Variants in EPHA6 observed in about 807,000 individuals in gnomAD.
EPHA6 encodes the protein EPH receptor A6, also known as ephrin type-A receptor 6.
EPHA6 carries 50 observed loss-of-function variants against 112.0 expected under a neutral mutation model. The observed-to-expected ratio is 0.45, with a 90% CI of 0.36 to 0.56. The LOEUF (loss-of-function observed/expected upper bound fraction) is 0.56, where lower values mean the gene tolerates loss of function less well. EPHA6 is among the 20% of genes least tolerant of loss of function. EPHA6 has a pLI of 0.00. For missense variants in EPHA6, 1,280 were observed against 1,417.4 expected (o/e 0.90, Z 1.56); for synonymous variants, 529 against 490.7 (o/e 1.08, Z -1.03).
chr3:97,480,643 C>T (rs1332484814), intron 9 of EPHA6, among the ~76,000 whole-genome samples: 5 of 152,228 alleles, frequency 3.3e-5, no homozygotes, highest in Non-Finnish European at 7.3e-5. Flanking sequence ...TCTACACAGA[C>T]ACAGTAACAA....
At chr3:97,294,963 G>T (rs1298350432) in intron 5 of EPHA6, among the ~76,000 whole-genome samples, 1 of 151,940 alleles carries the variant, frequency 6.6e-6, no homozygotes, top group East Asian at 1.9e-4. Context: ...CTGATGGGGG[G>T]GTTCTTAAAT....
chr3:97,486,558 G>A (rs570888581), intron 10 of EPHA6, among the ~76,000 whole-genome samples: 2 of 152,284 alleles, frequency 1.3e-5, no homozygotes, highest in Admixed American at 1.3e-4. Flanking sequence ...ATAACATGGT[G>A]GAAGGCATCA....
intron 5 of EPHA6, among the ~76,000 whole-genome samples, chr3:97,311,442 T>TCACACACACACACACACACA (rs35415439): frequency 4.9e-5 from 7 of 144,154 alleles, no homozygotes; most frequent in African/African-American, 1.8e-4. Flanking sequence ...GATTACACTT[T>TCACACACACACACACACACA]CACACACACA....
chr3:97,420,934 T>A (rs528143106), intron 6 of EPHA6, among the ~76,000 whole-genome samples: 1 of 152,122 alleles, frequency 6.6e-6, no homozygotes, highest in African/African-American at 2.4e-5. Flanking sequence ...TAACTTAACA[T>A]TCAGCAGATA....
chr3:97,740,805 T>C (rs2035470817), intron 16 of EPHA6, among the ~76,000 whole-genome samples: 1 of 152,180 alleles, frequency 6.6e-6, no homozygotes, highest in African/African-American at 2.4e-5. Flanking sequence ...TTTGAGAAGA[T>C]TTTGTTCAAT....
intron 3 of EPHA6, among the ~76,000 whole-genome samples, chr3:97,132,452 TCA>T (rs1431276634): frequency 1.3e-5 from 2 of 152,108 alleles, no homozygotes; most frequent in Non-Finnish European, 2.9e-5. Context: ...TTTAAATATC[TCA>T]CTCTACTCCT....
chr3:97,277,153 G>A lies in EPHA6; in HGVS notation c.1606+32866G>A, dbSNP rs922493485. On this transcript the variant is annotated intron_variant, in intron 5 of 17. Coordinates refer to ENST00000389672, the MANE Select transcript of EPHA6 (RefSeq NM_001080448.3). ...GACGGAAAGAAGGAGAATTTGGGAC[G>A]ATTCTAACAGGCTTTGTGTGAGCAA... Among the ~76,000 whole-genome samples the A allele has an allele frequency of 5.9e-5, 9 of 152,128 alleles. No homozygotes were observed. In the East Asian group the frequency reaches 1.7e-3, roughly 29 times the overall value.
chr3:97,551,449 A>C (rs2093027611), intron 11 of EPHA6, among the ~76,000 whole-genome samples: 1 of 152,196 alleles, frequency 6.6e-6, no homozygotes, highest in African/African-American at 2.4e-5. Context: ...ATTGTCAAAC[A>C]AAGACATCAG....
intron 5 of EPHA6, among the ~76,000 whole-genome samples, chr3:97,312,654 G>T (rs2081616317): frequency 6.6e-6 from 1 of 151,402 alleles, no homozygotes; most frequent in South Asian, 2.1e-4. Context: ...AAATTGGATT[G>T]AAGAAGTTTC....
At chr3:96,950,810 A>T (rs969897272) in intron 2 of EPHA6, among the ~76,000 whole-genome samples, 1 of 152,070 alleles carries the variant, frequency 6.6e-6, no homozygotes, top group African/African-American at 2.4e-5. Context: ...TTGATATGCC[A>T]GTTTTTTACT....
rs914139886 is a variant in EPHA6, at chr3:97,754,603, C to T, written c.*5902C>T. Reference sequence around the variant, plus strand: ...GCACTAGGAAATGAATAAACTTTACCTTTTAAAAAGGAATCTGTCAACTGC... The same window carrying T: ...GCACTAGGAAATGAATAAACTTTACTTTTTAAAAAGGAATCTGTCAACTGC... On this transcript the variant is annotated 3_prime_UTR_variant, in exon 18 of 18. Coordinates refer to ENST00000389672, the MANE Select transcript of EPHA6 (RefSeq NM_001080448.3). 3.9e-5 allele frequency among the ~76,000 whole-genome samples: 6 copies of T among 152,168 alleles called. No homozygotes were observed. The highest frequency in any genetic ancestry group is 8.8e-5 in the Non-Finnish European group (6 of 68,016).
chr3:97,735,938 T>C lies in EPHA6; in HGVS notation c.2948T>C (p.Ile983Thr). ...EMSNQDVILS[I>T]EEGYRLPAPM... ...GTTTGCATTTAGGTCATTCTGTCCA[T>C]TGAAGAAGGGTACAGACTTCCAGCT... Residue 983 changes from isoleucine to threonine, a missense_variant, in exon 16 of 18, where the codon ATT becomes ACT. By Grantham distance (89) the Ile-to-Thr change is moderately conservative. Around this residue, in one of 4 missense-constraint regions of EPHA6, gnomAD observed 37 missense variants for 92.9 expected, o/e 0.40. Transcript: ENST00000389672. 3.1e-6 allele frequency: 5 copies of C among 1,608,336 alleles called. No homozygotes were observed. Among genetic ancestry groups the C allele is most frequent in the Non-Finnish European group, 4.3e-6 (5 of 1,176,434 alleles).
At chr3:97,618,432 C>G (rs1400949942) in intron 13 of EPHA6, among the ~76,000 whole-genome samples, 1 of 151,804 alleles carries the variant, frequency 6.6e-6, no homozygotes, top group Non-Finnish European at 1.5e-5. Context: ...AAGATCAGAG[C>G]TGGGCTACAG....
intron 11 of EPHA6, among the ~76,000 whole-genome samples, chr3:97,548,523 T>C (rs1414702145): frequency 6.6e-6 from 1 of 152,220 alleles, no homozygotes; most frequent in Non-Finnish European, 1.5e-5. Flanking sequence ...TTTTCTTTTG[T>C]ATTTGAATGT....
At chr3:96,964,153 G>T (rs985040599) in intron 2 of EPHA6, among the ~76,000 whole-genome samples, 4 of 152,084 alleles carry the variant, frequency 2.6e-5, no homozygotes, top group Non-Finnish European at 5.9e-5. Flanking sequence ...TTTGTCTTTT[G>T]TGTTTCAAGC....
At chr3:97,249,066 A>C (rs892156199) in intron 5 of EPHA6, among the ~76,000 whole-genome samples, 6 of 152,006 alleles carry the variant, frequency 3.9e-5, no homozygotes, top group Non-Finnish European at 8.8e-5. Context: ...AAAAGTGTGG[A>C]AGTTTTAAAT....
intron 2 of EPHA6, among the ~76,000 whole-genome samples, chr3:96,913,355 G>A (rs1306140007): frequency 1.3e-5 from 2 of 150,022 alleles, no homozygotes; most frequent in African/African-American, 2.5e-5. Flanking sequence ...GGGTGACAGA[G>A]TGAGACCCTC....
At chr3:97,020,172 C>T (rs2107976451) in intron 3 of EPHA6, among the ~76,000 whole-genome samples, 1 of 152,230 alleles carries the variant, frequency 6.6e-6, no homozygotes, top group African/African-American at 2.4e-5. Flanking sequence ...CAGACTGAGC[C>T]CCAACTGCAA....
intron 13 of EPHA6, among the ~76,000 whole-genome samples, chr3:97,622,286 C>A (rs1257231434): frequency 1.3e-5 from 2 of 151,808 alleles, no homozygotes; most frequent in Non-Finnish European, 1.5e-5. Context: ...AAACAGCATT[C>A]CGCTGTCTGT....
Sources: allele counts gnomAD v4.1 joint callset (sites outside exome capture counted in the v4.1 genomes callset), GRCh38; gene constraint gnomAD v4.1.1; regional missense constraint gnomAD v4.1.1; transcripts MANE v1.5; gene names NCBI Gene and HGNC (gene_info 2026-07-23, HGNC 2026-07-21).